The following RELN variants were observed in gnomAD, a reference collection of about 807,000 sequenced individuals.
RELN encodes reelin.
RELN carries 108 observed loss-of-function variants against 427.6 expected under a neutral mutation model. The observed-to-expected ratio is 0.25, with a 90% confidence interval of 0.22 to 0.30. RELN has a LOEUF of 0.30. Among genes scored for constraint, RELN ranks in the 10% least tolerant of loss-of-function variants. RELN has a pLI of 1.00. For missense variants in RELN, 3,715 were observed against 4,302.8 expected, an observed-to-expected ratio of 0.86 and a Z score of 3.82; for synonymous variants, 1,524 against 1,513.4, an observed-to-expected ratio of 1.01 and a Z score of -0.16.
At chr7:103,955,548 A>C (rs1796416267) in intron 1 of RELN, among the ~76,000 whole-genome samples, 1 of 152,186 alleles carries the variant, frequency 6.6e-6, no homozygotes, top group African/African-American at 2.4e-5. Flanking sequence ...CCAGTTCTAG[A>C]AAATCATCTG....
chr7:103,914,958 A>G (rs1200738925), intron 2 of RELN, among the ~76,000 whole-genome samples: 1 of 152,166 alleles, frequency 6.6e-6, no homozygotes, highest in Non-Finnish European at 1.5e-5. Flanking sequence ...GGTTTGTGGA[A>G]TCACTCCTCA....
intron 63 of RELN, among the ~76,000 whole-genome samples, chr7:103,480,710 GA>G (rs1242230332): frequency 6.6e-6 from 1 of 152,102 alleles, no homozygotes; most frequent in African/African-American, 2.4e-5. Context: ...ATTTGCTTTT[GA>G]AATTATATAT....
intron 52 of RELN, among the ~76,000 whole-genome samples, chr7:103,501,139 C>T (rs1345215220): frequency 7.9e-5 from 12 of 152,250 alleles, no homozygotes. Flanking sequence ...TCTGAGCACA[C>T]TTGCACAACA....
Position 103,661,517 on chromosome 7 carries a change from A to G in RELN, c.1300T>C (p.Leu434=), listed in dbSNP as rs1341481983. ...CATTCTGTACCAATGACAGCTCCCA[A>G]GACATCCCATCTAAAAAAAAAGGGG... ...FESQPTGWDV[L]GAVIGTECGT... is the part of the protein sequence containing the mutation. The change falls in exon 12 of 65, where the codon TTG becomes CTG. Residue 434 remains leucine, a synonymous_variant. Coordinates refer to ENST00000428762, the MANE Select transcript of RELN (RefSeq NM_005045.4). 1 of 1,613,662 alleles carries G rather than the reference A, an allele frequency of 6.2e-7. No individual in the cohort carries two copies. Among genetic ancestry groups the G allele is most frequent in the Admixed American group, 1.7e-5 (1 of 59,988 alleles).
intron 6 of RELN, among the ~76,000 whole-genome samples, chr7:103,731,756 C>A (rs529370099): frequency 3.3e-5 from 5 of 152,056 alleles, no homozygotes; most frequent in Admixed American, 2.0e-4. Context: ...AAAGTGGACA[C>A]CTTCCACTGC....
intron 4 of RELN, among the ~76,000 whole-genome samples, chr7:103,771,194 G>T (rs950057132): frequency 1.3e-5 from 2 of 151,742 alleles, no homozygotes; most frequent in African/African-American, 4.8e-5. Context: ...TGGGATTACA[G>T]GTGTGAGCCG....
chr7:103,593,254 T>C (rs898543550), intron 27 of RELN, among the ~76,000 whole-genome samples: 3 of 152,126 alleles, frequency 2.0e-5, no homozygotes, highest in African/African-American at 4.8e-5. Context: ...GGAGTAAAAA[T>C]TTACTGAATT....
chr7:103,826,353 T>A (rs1182802150), intron 3 of RELN, among the ~76,000 whole-genome samples: 1 of 147,058 alleles, frequency 6.8e-6, no homozygotes, highest in Non-Finnish European at 1.5e-5. Context: ...TGTGTGTGTG[T>A]GTGTGTATAC....
chr7:103,657,233 A>G (rs1385940773), intron 12 of RELN, among the ~76,000 whole-genome samples: 1 of 152,086 alleles, frequency 6.6e-6, no homozygotes, highest in East Asian at 1.9e-4. Flanking sequence ...TTTATATCAT[A>G]TATTCAAGCA....
chr7:103,987,305 A>C (rs1421578009), intron 1 of RELN, among the ~76,000 whole-genome samples: 1 of 152,282 alleles, frequency 6.6e-6, no homozygotes, highest in South Asian at 2.1e-4. Context: ...AAGTATTTAC[A>C]CTTTATTTCT....
At chr7:103,764,244 A>C (rs1482457790) in intron 4 of RELN, among the ~76,000 whole-genome samples, 2 of 152,206 alleles carry the variant, frequency 1.3e-5, no homozygotes, top group African/African-American at 4.8e-5. Context: ...TAATCCTCAC[A>C]ACCTTATGAT....
intron 47 of RELN, among the ~76,000 whole-genome samples, chr7:103,522,541 T>G (rs916610980): frequency 6.6e-6 from 1 of 152,212 alleles, no homozygotes; most frequent in Non-Finnish European, 1.5e-5. Flanking sequence ...TGGGTCCTAA[T>G]AATTTACAAA....
chr7:103,929,609 C>G (rs1178106609), intron 1 of RELN, among the ~76,000 whole-genome samples: 1 of 152,070 alleles, frequency 6.6e-6, no homozygotes, highest in African/African-American at 2.4e-5. Flanking sequence ...GAACTCATGG[C>G]CAACAGCAAT....
rs59563972 is a variant in RELN, at chr7:103,562,149, T to C, written c.5211-196A>G. ...TTCTCTTGACTCATAAACAGGAGAGTAGAAAGCATGTTATTTAAATATTTC... is the reference window on the plus strand; with the variant it reads ...TTCTCTTGACTCATAAACAGGAGAGCAGAAAGCATGTTATTTAAATATTTC... On this transcript the variant is annotated intron_variant, in intron 34 of 64. Transcript: ENST00000428762. Among the ~76,000 whole-genome samples the C allele has an allele frequency of 0.018, 2,780 of 152,140 alleles. 98 individuals carry two copies. Among genetic ancestry groups the C allele is most frequent in the African/African-American group, 0.065 (2,678 of 41,492 alleles).
intron 6 of RELN, among the ~76,000 whole-genome samples, chr7:103,734,705 G>A (rs1790447259): frequency 6.6e-6 from 1 of 152,116 alleles, no homozygotes; most frequent in Non-Finnish European, 1.5e-5. Context: ...CTAGAATTCA[G>A]GTTGCCTGAT....
chr7:103,619,783 A>C (rs557637116), intron 20 of RELN, among the ~76,000 whole-genome samples: 1 of 152,118 alleles, frequency 6.6e-6, no homozygotes, highest in African/African-American at 2.4e-5. Flanking sequence ...CGACTGCAGG[A>C]GACCATGCAC....
chr7:103,864,738 A>G (rs1022739111), intron 2 of RELN, among the ~76,000 whole-genome samples: 3 of 152,142 alleles, frequency 2.0e-5, no homozygotes, highest in African/African-American at 7.2e-5. Flanking sequence ...GAAAATAGAA[A>G]AACAATAGAA....
intron 25 of RELN, among the ~76,000 whole-genome samples, 188 bp from the exon 26 acceptor site, chr7:103,594,680 G>A (rs552023779): frequency 6.6e-6 from 1 of 152,238 alleles, no homozygotes; most frequent in East Asian, 1.9e-4. Flanking sequence ...TTTAGTCCTG[G>A]TCATGTTTAT....
rs138532222 is a variant in RELN at position 103,652,568 on chromosome 7, C to A, written c.1746G>T (p.Thr582=). Residue 582 remains threonine, a synonymous_variant, in exon 14 of 65, where the codon ACG becomes ACT. Transcript: ENST00000428762. Reference sequence around the variant, plus strand: ...CTTCCTACCTGTTACCAGGCTGATGCGTTCCACATCCCAGATTGATGGAAA... The same window carrying A: ...CTTCCTACCTGTTACCAGGCTGATGAGTTCCACATCCCAGATTGATGGAAA... The part of the protein sequence containing the change: ...IQFSINLGCG[T]HQPGNSVSLE... 15 of 1,612,464 alleles carry A rather than the reference C, an allele frequency of 9.3e-6. No individual in the cohort carries two copies. The African/African-American group carries it at 1.9e-4, about 20-fold the overall frequency.
Sources: allele counts gnomAD v4.1 joint callset (sites outside exome capture counted in the v4.1 genomes callset), GRCh38; gene constraint gnomAD v4.1.1; transcripts MANE v1.5; gene names NCBI Gene and HGNC (gene_info 2026-07-23, HGNC 2026-07-21).